Variants in CAMSAP1 observed in about 807,000 individuals in gnomAD.
The protein encoded by CAMSAP1 is calmodulin regulated spectrin associated protein 1, also known as calmodulin-regulated spectrin-associated protein 1.
CAMSAP1 carries 58 observed loss-of-function variants against 143.5 expected under a neutral mutation model. The ratio of observed to expected loss-of-function variants is 0.40; its 90% confidence interval spans 0.33 to 0.50. The LOEUF (loss-of-function observed/expected upper bound fraction) is 0.50, where lower values mean the gene tolerates loss of function less well. Ranked by LOEUF, CAMSAP1 falls within the 20% of genes least tolerant of loss-of-function variation. CAMSAP1 has a pLI of 0.45. For missense variants in CAMSAP1, 1,969 were observed against 2,115.7 expected, an observed-to-expected ratio of 0.93 and a Z score of 1.36; for synonymous variants, 945 against 859.3, an observed-to-expected ratio of 1.10 and a Z score of -1.74.
In CAMSAP1 at chr9:135,907,188, C is replaced by G. The variant is rs1185758997; in HGVS notation, c.-29G>C. The G allele has an allele frequency of 6.6e-6, 7 of 1,066,714 alleles. No individual in the cohort carries two copies. The highest frequency in any genetic ancestry group is 7.9e-6 in the Non-Finnish European group (7 of 882,452). 66.1% of individuals were successfully genotyped at this position (1,066,714 alleles called of 1,614,324 possible). ...CAGACAAAGGGCTGAGGCGGCGGCC[C>G]GGCCGCAACAAAGGCGCCGCCGCCC... On this transcript the variant is annotated 5_prime_UTR_variant, in exon 1 of 17. Transcript: ENST00000389532.
chr9:135,855,337 G>A (rs1836919302), intron 5 of CAMSAP1, among the ~76,000 whole-genome samples: 2 of 152,120 alleles, frequency 1.3e-5, no homozygotes, highest in Non-Finnish European at 2.9e-5. Context: ...TTGGTTTTCT[G>A]TTCCTCTGTT....
At chr9:135,887,074 C>A (rs908128593) in intron 1 of CAMSAP1, among the ~76,000 whole-genome samples, 4 of 152,104 alleles carry the variant, frequency 2.6e-5, no homozygotes, top group Non-Finnish European at 5.9e-5. Flanking sequence ...TGCTTTGGAA[C>A]CCATTACATA....
intron 7 of CAMSAP1, among the ~76,000 whole-genome samples, chr9:135,840,791 G>C (rs1490686550): frequency 1.3e-5 from 2 of 152,192 alleles, no homozygotes; most frequent in Non-Finnish European, 2.9e-5. Context: ...GCCAAGGGAA[G>C]CCGTGAGGAA....
chr9:135,841,135 C>T (rs1363713595), intron 7 of CAMSAP1, among the ~76,000 whole-genome samples: 2 of 152,162 alleles, frequency 1.3e-5, no homozygotes, highest in East Asian at 1.9e-4. Flanking sequence ...AGTCTGAAGT[C>T]GACCTGGGGT....
Position 135,882,298 on chromosome 9 carries a change from G to C in CAMSAP1, c.424-504C>G, listed in dbSNP as rs559859264. 6.6e-6 allele frequency among the ~76,000 whole-genome samples: 1 copy of C among 152,242 alleles called. No individual in the cohort carries two copies. Among genetic ancestry groups the C allele is most frequent in the East Asian group, 1.9e-4 (1 of 5,164 alleles). On this transcript the variant is annotated intron_variant, in intron 2 of 16. Coordinates refer to ENST00000389532, the MANE Select transcript of CAMSAP1 (RefSeq NM_015447.4). This position sits in a 1 kb window ranked among gnomAD's most constrained non-coding sequence, Gnocchi z 4.9. The stretch of plus-strand genomic sequence containing the variant: ...CTTCAACCACCGCACGGCACCCGCA[G>C]TCTCACCGGGAACGCCATGGGAGCA...
At chr9:135,865,405 C>G (rs1182500393) in intron 4 of CAMSAP1, 23 of 1,546,542 alleles carry the variant, frequency 1.5e-5, no homozygotes, top group Non-Finnish European at 1.8e-5. Flanking sequence ...AGAGGAGCAT[C>G]AGCAGAGCAG....
At chr9:135,815,246 A>G in intron 15 of CAMSAP1, 31 bp from the exon 16 acceptor site, 1 of 1,500,794 alleles carries the variant, frequency 6.7e-7, no homozygotes, top group Middle Eastern at 1.7e-4. Context: ...TGGTAAAATT[A>G]TTATTTTAAG....
At chr9:135,830,391 A>T (rs2131682194) in intron 7 of CAMSAP1, among the ~76,000 whole-genome samples, 1 of 152,358 alleles carries the variant, frequency 6.6e-6, no homozygotes, top group Non-Finnish European at 1.5e-5. Flanking sequence ...TGCAAATGGT[A>T]ACCCAAAGAA....
Position 135,821,759 on chromosome 9 carries a change from G to A in CAMSAP1, c.2902C>T (p.Leu968Phe), listed in dbSNP as rs1194751406. Residue 968 changes from leucine to phenylalanine, a missense_variant, in exon 11 of 17, where the codon CTT becomes TTT. Transcript: ENST00000389532. This position sits in a 1 kb window ranked among gnomAD's most constrained non-coding sequence, Gnocchi z 4.6. ...LVKEEQREELLHEPQDVDKES... is the reference protein window; with the variant it reads ...LVKEEQREELFHEPQDVDKES... Reference sequence around the variant, plus strand: ...TTGTCCACATCCTGTGGCTCGTGAAGGAGCTCCTCTCTCTGCTCCTCCTTC... The same window carrying A: ...TTGTCCACATCCTGTGGCTCGTGAAAGAGCTCCTCTCTCTGCTCCTCCTTC... 8 of 1,613,952 alleles carry A rather than the reference G, an allele frequency of 5.0e-6. No individual in the cohort carries two copies. Among genetic ancestry groups the A allele is most frequent in the Non-Finnish European group, 6.8e-6 (8 of 1,179,882 alleles).
intron 8 of CAMSAP1, among the ~76,000 whole-genome samples, chr9:135,825,529 G>T (rs2131670933): frequency 6.6e-6 from 1 of 152,300 alleles, no homozygotes; most frequent in South Asian, 2.1e-4. Context: ...GGGTGTGAAG[G>T]CCTCACTCCC....
chr9:135,869,936 A>G (rs554321020), intron 3 of CAMSAP1, among the ~76,000 whole-genome samples: 1 of 152,228 alleles, frequency 6.6e-6, no homozygotes, highest in Non-Finnish European at 1.5e-5. Flanking sequence ...GGAAGATCAC[A>G]TACTGTATGA....
chr9:135,850,032 C>T (rs1040339596), intron 7 of CAMSAP1, 105 bp downstream of exon 7: 12 of 931,242 alleles, frequency 1.3e-5, no homozygotes, highest in Non-Finnish European at 1.9e-5. Flanking sequence ...CAGGCTCTTC[C>T]AAGAACTCTG....
chr9:135,820,413 GT>G lies in CAMSAP1; in HGVS notation c.3822+425del, dbSNP rs569496479. The stretch of plus-strand genomic sequence containing the variant: ...AAACATACAAAAAATGTTTTTTGAA[GT>G]TGCTATATCAGAGGTTGGCAAACTT... On this transcript the variant is annotated intron_variant, in intron 11 of 16. Transcript: ENST00000389532. This position sits in a 1 kb window ranked among gnomAD's most constrained non-coding sequence, Gnocchi z 4.4. Among the ~76,000 whole-genome samples the G allele has an allele frequency of 3.7e-3, 560 of 152,218 alleles. 4 individuals carry two copies. Among genetic ancestry groups the G allele is most frequent in the African/African-American group, 0.012 (500 of 41,526 alleles).
At position 135,818,322 on chromosome 9, in the gene CAMSAP1, G is replaced by A. The variant is rs977920419; in HGVS notation, c.4168+86C>T. 4 of 1,407,204 alleles carry A rather than the reference G, an allele frequency of 2.8e-6. No homozygotes were observed. In the African/African-American group the frequency reaches 5.7e-5, roughly 20 times the overall value. The allele number at this position is 1,407,204 out of a possible 1,614,324, so 87.2% of individuals were successfully genotyped here. On this transcript the variant is annotated intron_variant, in intron 13 of 16. Coordinates refer to ENST00000389532, the MANE Select transcript of CAMSAP1 (RefSeq NM_015447.4). The surrounding 1 kb of genome is among the most constrained non-coding windows in gnomAD (Gnocchi z 7.7). ...ACCCTTCCCGCCTCACACCACTCTTGATGACAAAATTGAAATGAGCTGAAG... is the reference window on the plus strand; with the variant it reads ...ACCCTTCCCGCCTCACACCACTCTTAATGACAAAATTGAAATGAGCTGAAG...
At chr9:135,844,225 A>G (rs1836469323) in intron 7 of CAMSAP1, among the ~76,000 whole-genome samples, 1 of 152,218 alleles carries the variant, frequency 6.6e-6, no homozygotes, top group South Asian at 2.1e-4. Context: ...AGCAAATGCC[A>G]AAGAACGGAA....
intron 3 of CAMSAP1, among the ~76,000 whole-genome samples, chr9:135,877,780 C>T (rs1837803467): frequency 6.6e-6 from 1 of 152,036 alleles, no homozygotes; most frequent in South Asian, 2.1e-4. Flanking sequence ...AACTGCACTC[C>T]AGCCTGGGCC....
chr9:135,829,491 C>G (rs1835782672), intron 7 of CAMSAP1, among the ~76,000 whole-genome samples: 1 of 151,776 alleles, frequency 6.6e-6, no homozygotes, highest in African/African-American at 2.4e-5. Flanking sequence ...CACTTCAGTC[C>G]AGCCTGGACA....
chr9:135,859,222 G>T (rs980375119), intron 5 of CAMSAP1, among the ~76,000 whole-genome samples: 1 of 152,174 alleles, frequency 6.6e-6, no homozygotes, highest in African/African-American at 2.4e-5. Context: ...TTTTATAAAG[G>T]CTCCCATGTT....
rs1588431240 is a variant in CAMSAP1 at position 135,808,561 on chromosome 9, A to G, written c.*2748T>C. 3 of 152,362 alleles carry G rather than the reference A, an allele frequency of 2.0e-5. No individual in the cohort carries two copies. In the East Asian group the frequency reaches 5.8e-4, roughly 29 times the overall value. The allele number at this position is 152,362 out of a possible 1,614,324, so 9.4% of individuals were successfully genotyped here. On this transcript the variant is annotated 3_prime_UTR_variant, in exon 17 of 17. Coordinates refer to ENST00000389532, the MANE Select transcript of CAMSAP1 (RefSeq NM_015447.4). ...TGACAACTACAATTTCAGGGAGGTA[A>G]AAGTATAACCTAGAAGTAATTTAGA... is the stretch of plus-strand genomic sequence containing the variant.
Sources: gnomAD v4.1 joint callset for allele counts (sites outside exome capture counted in the v4.1 genomes callset) on GRCh38, gnomAD v4.1.1 for gene constraint, Gnocchi (gnomAD v3.1) non-coding constraint, MANE v1.5 for transcripts, NCBI Gene and HGNC (gene_info 2026-07-23, HGNC 2026-07-21) for gene names.